The following NAPB variants were observed in gnomAD, a reference collection of about 807,000 sequenced individuals.
The protein encoded by NAPB is beta-soluble NSF attachment protein.
Under a neutral mutation model 44.7 loss-of-function variants are expected in NAPB, and 26 were observed. The observed-to-expected ratio is 0.58, with a 90% confidence interval of 0.43 to 0.81. NAPB has a LOEUF of 0.81. Ranked by LOEUF, NAPB falls within the 30% of genes least tolerant of loss-of-function variation. NAPB has a pLI of 0.00. For missense variants in NAPB, 315 were observed against 356.4 expected, an observed-to-expected ratio of 0.88 and a Z score of 0.94; for synonymous variants, 120 against 116.8, an observed-to-expected ratio of 1.03 and a Z score of -0.18.
intron 3 of NAPB, 41 bp downstream of exon 3, chr20:23,397,031 T>C (rs756731468): frequency 1.3e-6 from 2 of 1,590,836 alleles, no homozygotes; most frequent in South Asian, 2.2e-5. Flanking sequence ...GACTGGTTAG[T>C]TACACACAGA....
intron 5 of NAPB, among the ~76,000 whole-genome samples, chr20:23,394,039 G>A (rs187672650): frequency 6.6e-6 from 1 of 152,330 alleles, no homozygotes; most frequent in Non-Finnish European, 1.5e-5. Context: ...GATGCATGGG[G>A]AGTGTGGGGC....
At chr20:23,402,711 T>G (rs944864966) in intron 2 of NAPB, among the ~76,000 whole-genome samples, 2 of 152,230 alleles carry the variant, frequency 1.3e-5, no homozygotes, top group Admixed American at 6.5e-5. Context: ...CAAGTAATTT[T>G]AACTATTTTA....
At chr20:23,409,137 C>T (rs896532543) in intron 1 of NAPB, among the ~76,000 whole-genome samples, 3 of 152,140 alleles carry the variant, frequency 2.0e-5, no homozygotes, top group African/African-American at 7.2e-5. Context: ...CCTGTCTTGG[C>T]CTTGGAGAGA....
In NAPB at chr20:23,390,250, A is replaced by G; in HGVS notation, c.435T>C (p.Tyr145=). Residue 145 remains tyrosine (Y), a synonymous_variant, in exon 6 of 11, where the codon TAT becomes TAC. Transcript: ENST00000377026. ...LVDIEKAIAH[Y]EQSADYYKGE... ...CTTTGTAATAATCAGCAGATTGTTC[A>G]TAATGTGCAATAGCCTGAAAACATA... is the stretch of plus-strand genomic sequence containing the variant. The G allele has an allele frequency of 6.2e-7, 1 of 1,610,924 alleles. No individual in the cohort carries two copies. Among genetic ancestry groups the G allele is most frequent in the South Asian group, 1.1e-5 (1 of 90,980 alleles).
chr20:23,416,707 C>A (rs186725789), intron 1 of NAPB, among the ~76,000 whole-genome samples: 34 of 152,148 alleles, frequency 2.2e-4, no homozygotes, highest in African/African-American at 7.9e-4. Flanking sequence ...GTCAGTAAAC[C>A]TGAGCCTAAT....
chr20:23,379,893 C>A lies in NAPB; in HGVS notation c.709G>T (p.Asp237Tyr). 1 of 1,612,844 alleles carries A rather than the reference C, an allele frequency of 6.2e-7. No individual in the cohort carries two copies. Among genetic ancestry groups the A allele is most frequent in the South Asian group, 1.1e-5 (1 of 90,956 alleles). ...KYEEMFPAFT[D>Y]SRECKLLKKL... is the part of the protein sequence containing the mutation. ...TTCAATAATTTACATTCTCTTGAAT[C>A]AGTAAATGCTGGAAACATTTCCTCA... The change falls in exon 9 of 11, where the codon GAT (aspartate) becomes TAT (tyrosine). Residue 237 changes from aspartate to tyrosine, a missense_variant. Physicochemically the swap from Asp to Tyr is radical, Grantham distance 160. Transcript: ENST00000377026.
At chr20:23,386,211 CAA>C (rs1275245374) in intron 7 of NAPB, among the ~76,000 whole-genome samples, 1 of 151,948 alleles carries the variant, frequency 6.6e-6, no homozygotes, top group Admixed American at 6.6e-5. Context: ...GCATACACAA[CAA>C]AGATGAAAAT....
intron 1 of NAPB, among the ~76,000 whole-genome samples, chr20:23,417,106 C>T (rs1482002915): frequency 6.1e-5 from 8 of 131,858 alleles, no homozygotes; most frequent in African/African-American, 1.8e-4. Flanking sequence ...TTTTTTGAGA[C>T]GGAGTCTCGC....
At chr20:23,417,991 C>G (rs1475696555) in intron 1 of NAPB, among the ~76,000 whole-genome samples, 1 of 152,082 alleles carries the variant, frequency 6.6e-6, no homozygotes, top group Non-Finnish European at 1.5e-5. Flanking sequence ...TACAGTATTG[C>G]CACAAAACCA....
intron 1 of NAPB, among the ~76,000 whole-genome samples, chr20:23,417,967 A>C (rs749513778): frequency 5.3e-5 from 8 of 152,216 alleles, no homozygotes; most frequent in Non-Finnish European, 8.8e-5. Context: ...AAAGCTATAG[A>C]ATACTACTAA....
At chr20:23,414,483 C>T (rs528291068) in intron 1 of NAPB, among the ~76,000 whole-genome samples, 8 of 152,154 alleles carry the variant, frequency 5.3e-5, no homozygotes, top group South Asian at 2.1e-4. Context: ...TGTTTATCTC[C>T]GCAGATATTC....
intron 7 of NAPB, among the ~76,000 whole-genome samples, chr20:23,387,227 A>G (rs1983596200): frequency 1.3e-5 from 2 of 152,182 alleles, no homozygotes; most frequent in Admixed American, 6.5e-5. Flanking sequence ...AGAGAGGGGA[A>G]CTGCCTCAAA....
chr20:23,396,922 A>T, intron 3 of NAPB, 150 bp downstream of exon 3: 1 of 747,900 alleles, frequency 1.3e-6, no homozygotes, highest in Non-Finnish European at 2.0e-6. Flanking sequence ...AAAAATCCCT[A>T]AGGTTATCAA....
chr20:23,393,719 G>A (rs1984142863), intron 5 of NAPB, among the ~76,000 whole-genome samples: 1 of 152,146 alleles, frequency 6.6e-6, no homozygotes, highest in South Asian at 2.1e-4. Context: ...GGTGTGTGGG[G>A]ATCTACTATG....
At chr20:23,387,929 A>G (rs1983650540) in intron 7 of NAPB, among the ~76,000 whole-genome samples, 1 of 152,210 alleles carries the variant, frequency 6.6e-6, no homozygotes, top group African/African-American at 2.4e-5. Context: ...TTGCATCAGT[A>G]GGATGAATAA....
chr20:23,418,898 C>A (rs981527381), intron 1 of NAPB, among the ~76,000 whole-genome samples: 3 of 151,902 alleles, frequency 2.0e-5, no homozygotes, highest in Non-Finnish European at 4.4e-5. Context: ...AGTTAGTTGA[C>A]ATCCCGCCAC....
chr20:23,401,443 T>C (rs1404388891), intron 2 of NAPB, among the ~76,000 whole-genome samples: 1 of 152,018 alleles, frequency 6.6e-6, no homozygotes, highest in Non-Finnish European at 1.5e-5. Context: ...AGTATGACAA[T>C]GTCAGGAGGC....
chr20:23,413,512 G>C (rs1258469738), intron 1 of NAPB, among the ~76,000 whole-genome samples: 1 of 151,964 alleles, frequency 6.6e-6, no homozygotes, highest in Non-Finnish European at 1.5e-5. Flanking sequence ...AAGCAATAAA[G>C]ATAAAAGTAT....
intron 2 of NAPB, among the ~76,000 whole-genome samples, chr20:23,401,585 T>C (rs1054259950): frequency 6.6e-6 from 1 of 151,972 alleles, no homozygotes; most frequent in South Asian, 2.1e-4. Flanking sequence ...ATACAATAAG[T>C]AATAAGTGGT....
Sources: allele counts gnomAD v4.1 joint callset (sites outside exome capture counted in the v4.1 genomes callset), GRCh38; gene constraint gnomAD v4.1.1; transcripts MANE v1.5; gene names NCBI Gene and HGNC (gene_info 2026-07-23, HGNC 2026-07-21).